The following CTNND2 variants were observed in gnomAD, a reference collection of about 807,000 sequenced individuals.
CTNND2 encodes catenin delta-2.
Under a neutral mutation model 144.4 loss-of-function variants are expected in CTNND2, and 22 were observed. The observed-to-expected ratio is 0.15, with a 90% CI of 0.11 to 0.22. The LOEUF is 0.22. Ranked by LOEUF, CTNND2 falls within the 10% of genes least tolerant of loss-of-function variation. The pLI is 1.00. For missense variants in CTNND2, 1,353 were observed against 1,618.8 expected (o/e 0.84, Z 2.82); for synonymous variants, 751 against 695.6 (o/e 1.08, Z -1.25).
At chr5:11,744,353 T>C (rs1378862964) in intron 1 of CTNND2, among the ~76,000 whole-genome samples, 1 of 152,160 alleles carries the variant, frequency 6.6e-6, no homozygotes, top group Non-Finnish European at 1.5e-5. Flanking sequence ...GCAAGGAAGA[T>C]GCGCGACGGC....
Position 11,538,745 on chromosome 5 carries a change from C to T in CTNND2, c.287+26199G>A, listed in dbSNP as rs534058044. ...CTGTTAGTTATTTTTTTGTGAAGAG[C>T]TCTTTCCTAATCAGACTGGATGGAA... On this transcript the variant is annotated intron_variant, in intron 3 of 21. Coordinates refer to ENST00000304623, the MANE Select transcript of CTNND2 (RefSeq NM_001332.4). 7.9e-5 allele frequency among the ~76,000 whole-genome samples: 12 copies of T among 152,176 alleles called. No individual in the cohort carries two copies. In the South Asian group the frequency reaches 2.1e-3, roughly 26 times the overall value.
intron 9 of CTNND2, among the ~76,000 whole-genome samples, chr5:11,265,100 G>T (rs1045525406): frequency 7.3e-5 from 11 of 151,718 alleles, no homozygotes; most frequent in African/African-American, 2.4e-4. Flanking sequence ...GCAAAAGAAA[G>T]ATATCAACAA....
At chr5:11,625,407 C>T (rs1781102866) in intron 2 of CTNND2, among the ~76,000 whole-genome samples, 1 of 151,782 alleles carries the variant, frequency 6.6e-6, no homozygotes, top group African/African-American at 2.4e-5. Flanking sequence ...CTCTCTCTCT[C>T]TCTCTCTCTC....
intron 3 of CTNND2, among the ~76,000 whole-genome samples, chr5:11,417,271 A>T (rs1762006973): frequency 6.6e-6 from 1 of 152,168 alleles, no homozygotes; most frequent in African/African-American, 2.4e-5. Flanking sequence ...CTGGTTCCAG[A>T]GTCTACAGAA....
intron 16 of CTNND2, among the ~76,000 whole-genome samples, chr5:11,056,252 T>C (rs902775708): frequency 5.9e-5 from 9 of 152,218 alleles, no homozygotes; most frequent in Non-Finnish European, 5.9e-5. Context: ...TCACAATACG[T>C]AGTGATGCCT....
chr5:11,445,049 A>AT (rs1178787227), intron 3 of CTNND2, among the ~76,000 whole-genome samples: 2 of 152,168 alleles, frequency 1.3e-5, no homozygotes, highest in African/African-American at 4.8e-5. Context: ...TGGGTGCTTC[A>AT]TAACAGCAGA....
intron 5 of CTNND2, among the ~76,000 whole-genome samples, chr5:11,397,586 A>G (rs566639168): frequency 1.3e-5 from 2 of 152,314 alleles, no homozygotes; most frequent in South Asian, 4.1e-4. Context: ...TGCTAATATA[A>G]TTATATCTCC....
At chr5:11,067,533 A>G (rs1747746714) in intron 16 of CTNND2, among the ~76,000 whole-genome samples, 1 of 152,214 alleles carries the variant, frequency 6.6e-6, no homozygotes, top group South Asian at 2.1e-4. Context: ...GTTAGCCAAG[A>G]CTGGAGCTGG....
At chr5:11,551,441 T>C (rs1258924215) in intron 3 of CTNND2, among the ~76,000 whole-genome samples, 11 of 147,840 alleles carry the variant, frequency 7.4e-5, no homozygotes, top group Non-Finnish European at 7.5e-5. Context: ...TCTTTTTTTT[T>C]TTTTTTTTTT....
intron 2 of CTNND2, among the ~76,000 whole-genome samples, chr5:11,594,729 T>C (rs1358170564): frequency 1.3e-5 from 2 of 152,196 alleles, no homozygotes; most frequent in East Asian, 1.9e-4. Flanking sequence ...ATGATGTCCA[T>C]GTCCTGGCAA....
intron 3 of CTNND2, among the ~76,000 whole-genome samples, chr5:11,466,109 C>T (rs1471058612): frequency 6.6e-6 from 1 of 152,068 alleles, no homozygotes; most frequent in South Asian, 2.1e-4. Context: ...TCAAGCAATC[C>T]TCCCACCTCA....
chr5:11,516,709 C>A (rs988370885), intron 3 of CTNND2, among the ~76,000 whole-genome samples: 1 of 152,070 alleles, frequency 6.6e-6, no homozygotes, highest in African/African-American at 2.4e-5. Flanking sequence ...TGTTCATGGA[C>A]AAGAAAAGTT....
At chr5:11,283,727 T>C (rs1302442652) in intron 9 of CTNND2, among the ~76,000 whole-genome samples, 1 of 138,864 alleles carries the variant, frequency 7.2e-6, no homozygotes, top group Admixed American at 7.2e-5. Context: ...TGGGAATCTG[T>C]ATATTTGGAA....
intron 9 of CTNND2, among the ~76,000 whole-genome samples, chr5:11,302,953 C>T (rs1358084801): frequency 6.6e-6 from 1 of 152,132 alleles, no homozygotes; most frequent in East Asian, 1.9e-4. Context: ...CAGAGTTATC[C>T]CAGAGTGTTC....
In CTNND2 at chr5:11,419,396, G is replaced by T. The variant is rs371927830; in HGVS notation, c.288-7327C>A. Among the ~76,000 whole-genome samples, 26 of 152,156 alleles carry T rather than the reference G, an allele frequency of 1.7e-4. 1 individual carries two copies. The East Asian group carries it at 4.1e-3, about 24-fold the overall frequency. On this transcript the variant is annotated intron_variant, in intron 3 of 21. Coordinates refer to ENST00000304623, the MANE Select transcript of CTNND2 (RefSeq NM_001332.4). ...CTTTATAATATTCTTAGCATTGTTA[G>T]AATCACTCCCAGTTTAAACTCAAAT...
chr5:11,730,717 T>G (rs1451672830), intron 2 of CTNND2, among the ~76,000 whole-genome samples: 4 of 152,260 alleles, frequency 2.6e-5, no homozygotes, highest in Non-Finnish European at 5.9e-5. Context: ...GTGATGATAC[T>G]AAGCTTTTCA....
At chr5:11,586,836 C>T (rs1778897410) in intron 2 of CTNND2, among the ~76,000 whole-genome samples, 1 of 152,014 alleles carries the variant, frequency 6.6e-6, no homozygotes, top group South Asian at 2.1e-4. Flanking sequence ...AAAATTCTCA[C>T]AATTTTTTTT....
rs1374249281 is a variant in CTNND2 at position 11,903,827 on chromosome 5, G to A, written c.27C>T (p.Ala9=). 6.7e-7 allele frequency: 1 copy of A among 1,482,054 alleles called. No homozygotes were observed. Among genetic ancestry groups the A allele is most frequent in the South Asian group, 1.3e-5 (1 of 79,068 alleles). 91.8% of individuals were successfully genotyped at this position (1,482,054 alleles called of 1,614,324 possible). ...AGCCCCGCAACTCACCCAAAGGCGCGGCGCCCGGCGGCTTCCTCGCAAACA... is the reference window on the plus strand; with the variant it reads ...AGCCCCGCAACTCACCCAAAGGCGCAGCGCCCGGCGGCTTCCTCGCAAACA... The part of the protein sequence containing the change: MFARKPPG[A]APLGAMPVPD... Residue 9 remains alanine, a synonymous_variant, in exon 1 of 22, where the codon GCC becomes GCT. Coordinates refer to ENST00000304623, the MANE Select transcript of CTNND2 (RefSeq NM_001332.4). The surrounding 1 kb of genome is among the most constrained non-coding windows in gnomAD (Gnocchi z 5.4).
At chr5:11,788,886 T>C (rs1385251163) in intron 1 of CTNND2, among the ~76,000 whole-genome samples, 1 of 146,620 alleles carries the variant, frequency 6.8e-6, no homozygotes, top group Non-Finnish European at 1.5e-5. Context: ...TGTCCAAGTG[T>C]TCTCATTGTT....
Sources: gnomAD v4.1 joint callset for allele counts (sites outside exome capture counted in the v4.1 genomes callset) on GRCh38, gnomAD v4.1.1 for gene constraint, Gnocchi (gnomAD v3.1) non-coding constraint, MANE v1.5 for transcripts, NCBI Gene and HGNC (gene_info 2026-07-23, HGNC 2026-07-21) for gene names.